PTPRG: variants seen among roughly 807,000 people sequenced by gnomAD.
PTPRG encodes protein tyrosine phosphatase receptor type G.
Under a neutral mutation model 165.3 loss-of-function variants are expected in PTPRG, and 102 were observed. That is an observed-to-expected ratio of 0.62 (90% CI 0.53 to 0.73). PTPRG has a LOEUF of 0.73. Among genes scored for constraint, PTPRG ranks in the 30% least tolerant of loss-of-function variants. The probability of loss-of-function intolerance (pLI) is 0.00; values close to 1 mark genes in which losing one functional copy is unlikely to be tolerated. For synonymous variants in PTPRG, 675 were observed against 669.5 expected (o/e 1.01, Z -0.13); for missense variants, 1,866 against 1,861.4 (o/e 1.00, Z -0.05).
chr3:62,030,629 G>T (rs1699737969), intron 4 of PTPRG, among the ~76,000 whole-genome samples: 1 of 152,112 alleles, frequency 6.6e-6, no homozygotes, highest in Admixed American at 6.6e-5. Flanking sequence ...TGAATCTTGG[G>T]GTGGTGGGAG....
intron 2 of PTPRG, among the ~76,000 whole-genome samples, chr3:61,886,973 T>C (rs562062725): frequency 6.6e-6 from 1 of 151,384 alleles, no homozygotes; most frequent in African/African-American, 2.4e-5. Flanking sequence ...ACAGTGTTCA[T>C]GGACGATCAA....
chr3:61,712,674 C>T (rs544754730), intron 1 of PTPRG, among the ~76,000 whole-genome samples: 8 of 152,252 alleles, frequency 5.3e-5, no homozygotes, highest in East Asian at 1.9e-4. Context: ...CCTCCCCAGC[C>T]GTGCGGTACT....
chr3:61,671,508 G>A (rs1257472675), intron 1 of PTPRG, among the ~76,000 whole-genome samples: 1 of 149,508 alleles, frequency 6.7e-6, no homozygotes, highest in Non-Finnish European at 1.5e-5. Context: ...TCTTAGTACA[G>A]AACAAAATGA....
intron 5 of PTPRG, among the ~76,000 whole-genome samples, chr3:62,102,029 T>G (rs1702305452): frequency 6.6e-6 from 1 of 152,162 alleles, no homozygotes; most frequent in Non-Finnish European, 1.5e-5. Context: ...ATTCCTTCTT[T>G]CCTATTTAAA....
intron 2 of PTPRG, among the ~76,000 whole-genome samples, chr3:61,987,485 A>G (rs2040789643): frequency 6.6e-6 from 1 of 152,196 alleles, no homozygotes; most frequent in African/African-American, 2.4e-5. Context: ...TAGGAGGAGA[A>G]TTATCAGGTA....
intron 2 of PTPRG, among the ~76,000 whole-genome samples, chr3:61,827,148 A>G (rs1317742463): frequency 1.3e-5 from 2 of 152,124 alleles, no homozygotes; most frequent in African/African-American, 4.8e-5. Context: ...AGGTGGAGCT[A>G]CCCTCTCAGC....
intron 4 of PTPRG, among the ~76,000 whole-genome samples, chr3:62,018,650 T>C (rs1198808731): frequency 1.3e-5 from 2 of 152,206 alleles, no homozygotes; most frequent in Non-Finnish European, 2.9e-5. Flanking sequence ...ATTGAATACA[T>C]TAATAAAACT....
At chr3:62,041,806 G>A (rs1479202323) in intron 4 of PTPRG, among the ~76,000 whole-genome samples, 1 of 152,136 alleles carries the variant, frequency 6.6e-6, no homozygotes, top group African/African-American at 2.4e-5. Context: ...TATGGACTTT[G>A]ATGATGGTGA....
chr3:61,815,349 G>A (rs984208420), intron 2 of PTPRG, among the ~76,000 whole-genome samples: 3 of 152,072 alleles, frequency 2.0e-5, no homozygotes, highest in Admixed American at 1.3e-4. Context: ...GGTGGAGGTT[G>A]CAGTGACCTG....
intron 4 of PTPRG, among the ~76,000 whole-genome samples, chr3:62,017,425 T>G (rs934067396): frequency 1.3e-5 from 2 of 151,924 alleles, no homozygotes; most frequent in Non-Finnish European, 2.9e-5. Flanking sequence ...ATGATTTTTT[T>G]TTTTTTTTGA....
chr3:62,165,219 T>C (rs1315263903), intron 7 of PTPRG, among the ~76,000 whole-genome samples: 1 of 152,174 alleles, frequency 6.6e-6, no homozygotes, highest in African/African-American at 2.4e-5. Flanking sequence ...CCTCACAGGA[T>C]TTTTTCTCCA....
intron 24 of PTPRG, 107 bp downstream of exon 24, chr3:62,276,073 G>A: frequency 2.8e-6 from 2 of 711,796 alleles, no homozygotes; most frequent in Non-Finnish European, 4.5e-6. Flanking sequence ...CAATTGTACT[G>A]TACGTGGCCG....
intron 2 of PTPRG, among the ~76,000 whole-genome samples, chr3:61,864,094 G>A (rs2037342633): frequency 6.6e-6 from 1 of 152,116 alleles, no homozygotes; most frequent in Non-Finnish European, 1.5e-5. Context: ...TTTGTACAAT[G>A]GGGAGAGTAA....
intron 10 of PTPRG, among the ~76,000 whole-genome samples, chr3:62,199,787 GGA>G (rs1700056094): frequency 6.6e-6 from 1 of 152,150 alleles, no homozygotes; most frequent in South Asian, 2.1e-4. Context: ...GCAGTTTGAT[GGA>G]GTTTTTAAAA....
At chr3:61,710,019 G>A (rs1163502884) in intron 1 of PTPRG, among the ~76,000 whole-genome samples, 1 of 152,166 alleles carries the variant, frequency 6.6e-6, no homozygotes, top group Non-Finnish European at 1.5e-5. Flanking sequence ...GGGTGAACCA[G>A]TACTTCCGGG....
At chr3:61,995,770 T>C (rs949000406) in intron 3 of PTPRG, among the ~76,000 whole-genome samples, 2 of 148,512 alleles carry the variant, frequency 1.3e-5, no homozygotes, top group Non-Finnish European at 3.0e-5. Flanking sequence ...CCTCCCTCCT[T>C]CTTTTTCTTT....
At chr3:61,777,158 A>G (rs984464709) in intron 2 of PTPRG, among the ~76,000 whole-genome samples, 5 of 152,186 alleles carry the variant, frequency 3.3e-5, no homozygotes, top group African/African-American at 1.2e-4. Context: ...TTTACTCGGT[A>G]GCTTTATTTT....
chr3:61,861,377 C>T lies in PTPRG; in HGVS notation c.190+112395C>T, dbSNP rs137926796. Among the ~76,000 whole-genome samples the T allele has an allele frequency of 5.7e-3, 874 of 152,240 alleles. 4 individuals carry two copies. Among genetic ancestry groups the T allele is most frequent in the Non-Finnish European group, 8.0e-3 (542 of 68,028 alleles). On this transcript the variant is annotated intron_variant, in intron 2 of 29. Coordinates refer to ENST00000474889, the MANE Select transcript of PTPRG (RefSeq NM_002841.4). ...GCTGGGGGCCAAAAACAAAATCCCA[C>T]GAAGGCATTGATCAAAGATATCATT...
intron 2 of PTPRG, among the ~76,000 whole-genome samples, chr3:61,797,255 T>A (rs529211840): frequency 6.6e-6 from 1 of 152,334 alleles, no homozygotes; most frequent in South Asian, 2.1e-4. Context: ...TCTTCACATT[T>A]TAATATCTCT....
Sources: allele counts gnomAD v4.1 joint callset (sites outside exome capture counted in the v4.1 genomes callset), GRCh38; gene constraint gnomAD v4.1.1; transcripts MANE v1.5; gene names NCBI Gene and HGNC (gene_info 2026-07-23, HGNC 2026-07-21).